The following RC3H1 variants were observed in gnomAD, a reference collection of about 807,000 sequenced individuals.
RC3H1 encodes the protein roquin-1.
Under a neutral mutation model 138.2 loss-of-function variants are expected in RC3H1, and 50 were observed. The observed-to-expected ratio is 0.36, with a 90% CI of 0.29 to 0.46. The LOEUF is 0.46. Among genes scored for constraint, RC3H1 ranks in the 20% least tolerant of loss-of-function variants. The pLI is 1.00. For missense variants in RC3H1, 1,031 were observed against 1,388.1 expected, an observed-to-expected ratio of 0.74 and a Z score of 4.09; for synonymous variants, 462 against 489.1, an observed-to-expected ratio of 0.94 and a Z score of 0.73.
Position 174,021,483 on chromosome 1 carries a change from G to GT in RC3H1, c.-151+612dup, listed in dbSNP as rs1249770724. ...TTTTATATGTTTTTGTTGCATTTAA[G>GT]TTTTTTGTTTTTTTTTTTTAAAGAC... On this transcript the variant is annotated intron_variant, in intron 1 of 19. Transcript: ENST00000367696. 3.3e-5 allele frequency among the ~76,000 whole-genome samples: 5 copies of GT among 150,030 alleles called. No homozygotes were observed. In the East Asian group the frequency reaches 6.4e-4, roughly 19 times the overall value.
At chr1:174,004,965 G>A (rs1027024360) in intron 1 of RC3H1, among the ~76,000 whole-genome samples, 3 of 152,034 alleles carry the variant, frequency 2.0e-5, no homozygotes, top group East Asian at 1.9e-4. Context: ...TAGAGAATAC[G>A]TGAATACTCC....
chr1:173,995,059 T>A (rs186164598), intron 1 of RC3H1, among the ~76,000 whole-genome samples: 31 of 152,218 alleles, frequency 2.0e-4, no homozygotes, highest in Admixed American at 1.2e-3. Flanking sequence ...TACAAGCATA[T>A]ATAACAGAGG....
chr1:174,009,647 C>A (rs1571242199), intron 1 of RC3H1, among the ~76,000 whole-genome samples: 1 of 152,048 alleles, frequency 6.6e-6, no homozygotes, highest in African/African-American at 2.4e-5. Flanking sequence ...AAGACCAGCC[C>A]GGCCAACATG....
At chr1:173,943,650 C>CTTATGT in intron 17 of RC3H1, 35 bp from the exon 18 acceptor site, 1 of 1,580,998 alleles carries the variant, frequency 6.3e-7, no homozygotes, top group Non-Finnish European at 8.6e-7. Flanking sequence ...GAAAACTCAA[C>CTTATGT]ACACTTCACA....
Position 173,936,778 on chromosome 1 carries a change from T to TTAA in RC3H1, c.*1942_*1943insTTA, listed in dbSNP as rs1491144329. ...ATATATATATTTTTTTTTTTTTTTT[T>TTAA]AAAAAAAGAAGACAAATGTATAAGA... On this transcript the variant is annotated 3_prime_UTR_variant, in exon 20 of 20. Transcript: ENST00000367696. The TTAA allele has an allele frequency of 1.0e-5, 1 of 97,046 alleles. No individual in the cohort carries two copies. The highest frequency in any genetic ancestry group is 2.1e-5 in the Non-Finnish European group (1 of 46,980). 6.0% of individuals were successfully genotyped at this position (97,046 alleles called of 1,614,324 possible).
In RC3H1 at chr1:173,943,431, A is replaced by G; in HGVS notation, c.3135+11T>C. The G allele has an allele frequency of 6.2e-7, 1 of 1,607,498 alleles. No individual in the cohort carries two copies. ...TTCACCTTCCCTCTCTTTCCCCACC[A>G]TAACACTCACCATACTCAGTTCCCG... On this transcript the variant is annotated intron_variant, in intron 18 of 19. Transcript: ENST00000367696.
At chr1:174,008,570 A>C (rs985713772) in intron 1 of RC3H1, among the ~76,000 whole-genome samples, 1 of 152,224 alleles carries the variant, frequency 6.6e-6, no homozygotes, top group Non-Finnish European at 1.5e-5. Context: ...GAACGAAAAA[A>C]TTGCTACATG....
intron 4 of RC3H1, 34 bp downstream of exon 4, chr1:173,983,384 C>A: frequency 6.2e-7 from 1 of 1,610,020 alleles, no homozygotes; most frequent in Non-Finnish European, 8.5e-7. Context: ...TTTAGAATTA[C>A]CAGCAGAATA....
chr1:173,980,445 T>C (rs1037166135), intron 6 of RC3H1, among the ~76,000 whole-genome samples: 1 of 152,046 alleles, frequency 6.6e-6, no homozygotes, highest in Non-Finnish European at 1.5e-5. Flanking sequence ...ATTAAATGAA[T>C]TATTTAAAAC....
chr1:173,968,176 A>C (rs1660202591), intron 9 of RC3H1, among the ~76,000 whole-genome samples: 1 of 152,184 alleles, frequency 6.6e-6, no homozygotes, highest in African/African-American at 2.4e-5. Flanking sequence ...TATTCACTGT[A>C]GTCCATAATA....
At chr1:173,973,141 C>A (rs1162060559) in intron 7 of RC3H1, among the ~76,000 whole-genome samples, 1 of 152,196 alleles carries the variant, frequency 6.6e-6, no homozygotes, top group African/African-American at 2.4e-5. Context: ...CTCAGACCAA[C>A]ACTGTGTGGA....
chr1:173,962,379 G>GAAAACAAA (rs1430282784), intron 11 of RC3H1, among the ~76,000 whole-genome samples: 1 of 151,970 alleles, frequency 6.6e-6, no homozygotes, highest in East Asian at 1.9e-4. Flanking sequence ...GAAGACACTG[G>GAAAACAAA]AAAACAAAAA....
intron 2 of RC3H1, among the ~76,000 whole-genome samples, chr1:173,990,615 C>T (rs1661240760): frequency 6.6e-6 from 1 of 151,066 alleles, no homozygotes; most frequent in African/African-American, 2.4e-5. Context: ...CTCTGTTGCC[C>T]AGGCTGGAGT....
chr1:173,938,543 T>C lies in RC3H1; in HGVS notation c.*178A>G, dbSNP rs1658694587. On this transcript the variant is annotated 3_prime_UTR_variant, in exon 20 of 20. Coordinates refer to ENST00000367696, the MANE Select transcript of RC3H1 (RefSeq NM_172071.4). ...TCTTTAAATTAAAAAAATGCATTAATGTGAACTATGTGCAGGGTTTGTTTT... is the reference window on the plus strand; with the variant it reads ...TCTTTAAATTAAAAAAATGCATTAACGTGAACTATGTGCAGGGTTTGTTTT... 2.3e-6 allele frequency: 1 copy of C among 439,152 alleles called. No homozygotes were observed. Among genetic ancestry groups the C allele is most frequent in the East Asian group, 3.3e-5 (1 of 30,732 alleles). 27.2% of individuals were successfully genotyped at this position (439,152 alleles called of 1,614,324 possible).
At chr1:173,959,236 A>G (rs1238686281) in intron 13 of RC3H1, among the ~76,000 whole-genome samples, 1 of 152,192 alleles carries the variant, frequency 6.6e-6, no homozygotes, top group Non-Finnish European at 1.5e-5. Flanking sequence ...TGATTAATAA[A>G]GAAATTTAGC....
At chr1:174,012,653 G>A (rs567662294) in intron 1 of RC3H1, among the ~76,000 whole-genome samples, 31 of 151,688 alleles carry the variant, frequency 2.0e-4, no homozygotes, top group Admixed American at 3.9e-4. Flanking sequence ...GTGTGGTGGC[G>A]GGCGCCTGTA....
chr1:173,949,273 GA>G (rs893014309), intron 14 of RC3H1, among the ~76,000 whole-genome samples: 4 of 151,838 alleles, frequency 2.6e-5, no homozygotes, highest in African/African-American at 9.7e-5. Flanking sequence ...ATTTATCTAT[GA>G]AAATCTATAT....
At chr1:173,962,352 G>A (rs894736627) in intron 11 of RC3H1, among the ~76,000 whole-genome samples, 1 of 152,114 alleles carries the variant, frequency 6.6e-6, no homozygotes, top group Admixed American at 6.5e-5. Context: ...CCTCTTTCTG[G>A]TGTGTCTTAA....
In RC3H1 at chr1:173,970,551, G is replaced by A. The variant is rs1384319457; in HGVS notation, c.1288C>T (p.Arg430Cys). Reference sequence around the variant, plus strand: ...TGTGCAAATGTACAGCTGGCCCCACGAGGGCATCCTCCTCTCTGCTTCATA... The same window carrying A: ...TGTGCAAATGTACAGCTGGCCCCACAAGGGCATCCTCCTCTCTGCTTCATA... The part of the protein sequence containing the change: ...RDMKQRGGCP[R>C]GASCTFAHSQ... The change falls in exon 9 of 20, where the codon CGT (arginine) becomes TGT (cysteine). Residue 430 changes from arginine (R) to cysteine (C), a missense_variant. Arg to Cys is a radical substitution (Grantham distance 180). This residue lies in a region of RC3H1 where 142 missense variants were observed against 224.6 expected (regional missense o/e 0.63). Transcript: ENST00000367696. 1 of 1,613,796 alleles carries A rather than the reference G, an allele frequency of 6.2e-7. No homozygotes were observed. Among genetic ancestry groups the A allele is most frequent in the Admixed American group, 1.7e-5 (1 of 59,996 alleles).
Sources: allele counts gnomAD v4.1 joint callset (sites outside exome capture counted in the v4.1 genomes callset), GRCh38; gene constraint gnomAD v4.1.1; regional missense constraint gnomAD v4.1.1; transcripts MANE v1.5; gene names NCBI Gene and HGNC (gene_info 2026-07-23, HGNC 2026-07-21).